Variants in CLVS1 observed in about 807,000 individuals in gnomAD.
CLVS1 encodes the protein clavesin-1.
In CLVS1, 10 loss-of-function variants were observed where a neutral mutation model predicts 33.1. The observed-to-expected ratio is 0.30, with a 90% confidence interval of 0.19 to 0.51. CLVS1 has a LOEUF of 0.51. Ranked by LOEUF, CLVS1 falls within the 20% of genes least tolerant of loss-of-function variation. The pLI is 0.97. For synonymous variants in CLVS1, 163 were observed against 166.1 expected, an observed-to-expected ratio of 0.98 and a Z score of 0.14; for missense variants, 343 against 433.4, an observed-to-expected ratio of 0.79 and a Z score of 1.85.
chr8:61,379,713 G>A (rs1813787882), intron 3 of CLVS1, among the ~76,000 whole-genome samples: 1 of 152,188 alleles, frequency 6.6e-6, no homozygotes, highest in Non-Finnish European at 1.5e-5. Context: ...ATTAGGTAGT[G>A]CTCTTTGGGT....
chr8:61,412,724 T>G (rs1815279251), intron 3 of CLVS1, among the ~76,000 whole-genome samples: 1 of 152,204 alleles, frequency 6.6e-6, no homozygotes, highest in African/African-American at 2.4e-5. Context: ...CAGGAGCCAG[T>G]TTAGCTAAGA....
At chr8:61,328,827 ATT>A in intron 2 of CLVS1, among the ~76,000 whole-genome samples, 1 of 152,230 alleles carries the variant, frequency 6.6e-6, no homozygotes, top group Non-Finnish European at 1.5e-5. Context: ...CCTGCACTCT[ATT>A]TACACTGGAC....
intron 1 of CLVS1, among the ~76,000 whole-genome samples, chr8:61,121,815 C>G (rs1805877000): frequency 6.6e-6 from 1 of 152,132 alleles, no homozygotes; most frequent in Non-Finnish European, 1.5e-5. Flanking sequence ...CTCACACTTG[C>G]TTAAGATAGC....
intron 1 of CLVS1, among the ~76,000 whole-genome samples, chr8:61,109,654 T>A (rs925022243): frequency 1.1e-4 from 17 of 152,200 alleles, no homozygotes; most frequent in Non-Finnish European, 1.6e-4. Context: ...CCCCAAAGGG[T>A]CAGTGTTGAG....
At chr8:61,357,708 T>C in intron 2 of CLVS1, among the ~76,000 whole-genome samples, 1 of 151,642 alleles carries the variant, frequency 6.6e-6, no homozygotes, top group East Asian at 1.9e-4. Flanking sequence ...GGTTTCAGCA[T>C]GTTGGCCAAG....
chr8:61,160,009 T>C (rs1806721777), intron 2 of CLVS1, among the ~76,000 whole-genome samples: 1 of 152,226 alleles, frequency 6.6e-6, no homozygotes, highest in Admixed American at 6.5e-5. Flanking sequence ...TAGAAGTGGC[T>C]GACACTTCTT....
At chr8:61,136,975 G>A (rs1441872327) in intron 2 of CLVS1, among the ~76,000 whole-genome samples, 3 of 152,234 alleles carry the variant, frequency 2.0e-5, no homozygotes, top group Non-Finnish European at 4.4e-5. Flanking sequence ...TGTCATGGAA[G>A]AGAATGTGAT....
chr8:61,202,527 T>A (rs1807755611), intron 2 of CLVS1: 4 of 1,067,620 alleles, frequency 3.7e-6, no homozygotes, highest in Non-Finnish European at 5.8e-6. Context: ...AATTGCACAT[T>A]GTTGAAGCAG....
intron 5 of CLVS1, among the ~76,000 whole-genome samples, chr8:61,475,103 A>C (rs893102431): frequency 2.0e-5 from 3 of 152,168 alleles, no homozygotes; most frequent in Admixed American, 6.5e-5. Context: ...AGCTTCATCC[A>C]TGTCCCTACA....
chr8:61,455,726 TCCTACAACA>T (rs1398598490), intron 4 of CLVS1, among the ~76,000 whole-genome samples: 5 of 152,162 alleles, frequency 3.3e-5, no homozygotes, highest in African/African-American at 1.2e-4. Flanking sequence ...GCTAGGGTAA[TCCTACAACA>T]CCTTTTCCTG....
chr8:61,318,921 C>G (rs887063858), intron 2 of CLVS1, among the ~76,000 whole-genome samples: 1 of 151,998 alleles, frequency 6.6e-6, no homozygotes, highest in African/African-American at 2.4e-5. Flanking sequence ...TAAGTCTCAT[C>G]TGTTTTTAAT....
chr8:61,441,455 A>G (rs1816541658), intron 3 of CLVS1, among the ~76,000 whole-genome samples: 1 of 152,150 alleles, frequency 6.6e-6, no homozygotes, highest in Admixed American at 6.5e-5. Context: ...GTCTCATTTT[A>G]GTTTTCACAT....
At chr8:61,425,797 A>T (rs1014796221) in intron 3 of CLVS1, among the ~76,000 whole-genome samples, 4 of 152,202 alleles carry the variant, frequency 2.6e-5, no homozygotes, top group African/African-American at 7.2e-5. Flanking sequence ...GGGGCATAAA[A>T]GTGAGGGAGA....
the CLVS1 span, among the ~76,000 whole-genome samples, chr8:61,000,433 T>C: frequency 6.6e-6 from 1 of 152,164 alleles, no homozygotes; most frequent in Non-Finnish European, 1.5e-5. Flanking sequence ...GTAGTTCTTT[T>C]GTTCATGGGC....
At chr8:61,397,762 C>T (rs1054017746) in intron 3 of CLVS1, among the ~76,000 whole-genome samples, 1 of 152,122 alleles carries the variant, frequency 6.6e-6, no homozygotes, top group African/African-American at 2.4e-5. Flanking sequence ...GAAGACTATT[C>T]ATTTCTCATT....
intron 2 of CLVS1, among the ~76,000 whole-genome samples, chr8:61,360,841 G>C (rs1375927282): frequency 6.6e-6 from 1 of 152,166 alleles, no homozygotes; most frequent in African/African-American, 2.4e-5. Flanking sequence ...TTTTCTCTAA[G>C]AGATGTTGTA....
At chr8:61,182,760 C>G (rs139409003) in intron 2 of CLVS1, among the ~76,000 whole-genome samples, 2,854 of 152,216 alleles carry the variant, frequency 0.019, 98 homozygotes, top group African/African-American at 0.065. Flanking sequence ...GGATCTTGAA[C>G]TAGAAATATC....
intron 5 of CLVS1, among the ~76,000 whole-genome samples, chr8:61,490,910 G>A (rs1563578047): frequency 4.7e-5 from 7 of 149,578 alleles, no homozygotes; most frequent in Admixed American, 4.0e-4. Context: ...ACAGTGAGCC[G>A]AGATCGCACC....
At chr8:61,114,848 T>C (rs1418956124) in intron 1 of CLVS1, among the ~76,000 whole-genome samples, 1 of 152,200 alleles carries the variant, frequency 6.6e-6, no homozygotes, top group African/African-American at 2.4e-5. Flanking sequence ...TTCTATTTTT[T>C]TGAAAACCCA....
Sources: gnomAD v4.1 joint callset for allele counts (sites outside exome capture counted in the v4.1 genomes callset) on GRCh38, gnomAD v4.1.1 for gene constraint, MANE v1.5 for transcripts, NCBI Gene and HGNC (gene_info 2026-07-23, HGNC 2026-07-21) for gene names.